TRAF2: variants seen among roughly 807,000 people sequenced by gnomAD.
The protein encoded by TRAF2 is TNF receptor-associated factor 2.
A neutral mutation model predicts 55.6 loss-of-function variants in TRAF2; 6 were observed. The ratio of observed to expected loss-of-function variants is 0.11; its 90% confidence interval spans 0.06 to 0.21. TRAF2 has a LOEUF of 0.21. TRAF2 is among the 10% of genes least tolerant of loss of function. TRAF2 has a pLI of 1.00. For missense variants in TRAF2, 561 were observed against 684.5 expected (o/e 0.82, Z 2.01); for synonymous variants, 329 against 276.3 (o/e 1.19, Z -1.89).
At chr9:136,883,825 AT>A (rs766805439), upstream of TRAF2, among the ~76,000 whole-genome samples, 1,513 of 119,016 alleles carry the variant, frequency 0.013, 20 homozygotes, top group African/African-American at 0.032. Flanking sequence ...CCTTTTGTGT[AT>A]TTTTTTTTTT....
chr9:136,893,514 G>GTT (rs549243115), intron 1 of TRAF2, among the ~76,000 whole-genome samples: 38 of 152,352 alleles, frequency 2.5e-4, no homozygotes, highest in African/African-American at 8.9e-4. Flanking sequence ...TGCGGCGTCA[G>GTT]TTTTGGCAGT....
chr9:136,916,470 G>T, intron 6 of TRAF2, 71 bp from the exon 7 acceptor site: 1 of 1,482,088 alleles, frequency 6.7e-7, no homozygotes. Flanking sequence ...GTCAGTCAGT[G>T]TGGTCCATGT....
At position 136,925,026 on chromosome 9, in the gene TRAF2, T is replaced by C. The variant is rs533741338; in HGVS notation, c.1288-657T>C. Among the ~76,000 whole-genome samples the C allele has an allele frequency of 2.0e-3, 303 of 152,340 alleles. 3 individuals carry two copies. The highest frequency in any genetic ancestry group is 3.7e-3 in the Admixed American group (56 of 15,308). Reference sequence around the variant, plus strand: ...TGCTGGGATTGTAGGCGTGAGCCACTGTGCCTGGCCTATTTTGAAAATCAG... The same window carrying C: ...TGCTGGGATTGTAGGCGTGAGCCACCGTGCCTGGCCTATTTTGAAAATCAG... On this transcript the variant is annotated intron_variant, in intron 10 of 10. Coordinates refer to ENST00000247668, the MANE Select transcript of TRAF2 (RefSeq NM_021138.4).
chr9:136,923,899 C>T lies in TRAF2; in HGVS notation c.1186C>T (p.Leu396=). 6.2e-7 allele frequency: 1 copy of T among 1,614,008 alleles called. No individual in the cohort carries two copies. Among genetic ancestry groups the T allele is most frequent in the Non-Finnish European group, 8.5e-7 (1 of 1,180,012 alleles). The change falls in exon 10 of 11, where the codon CTG becomes TTG. Residue 396 remains leucine, a synonymous_variant. Coordinates refer to ENST00000247668, the MANE Select transcript of TRAF2 (RefSeq NM_021138.4). ...CTACAAGATGTGTCTGCGTATCTAC[C>T]TGAACGGCGACGGCACCGGGCGAGG... ...YGYKMCLRIY[L]NGDGTGRGTH...
rs1850369827 is a variant in TRAF2 at position 136,920,958 on chromosome 9, G to A, written c.961-80G>A. 3 of 1,550,008 alleles carry A rather than the reference G, an allele frequency of 1.9e-6. No homozygotes were observed. In the African/African-American group the frequency reaches 4.1e-5, roughly 21 times the overall value. ...GGGTGCCCAAGAGCACTGTCCTGCTGGAGATCGGTGGGTGTGGGAGGCAGG... is the reference window on the plus strand; with the variant it reads ...GGGTGCCCAAGAGCACTGTCCTGCTAGAGATCGGTGGGTGTGGGAGGCAGG... On this transcript the variant is annotated intron_variant, in intron 8 of 10. Transcript: ENST00000247668.
upstream of TRAF2, among the ~76,000 whole-genome samples, chr9:136,883,257 G>A (rs1849395290): frequency 2.0e-5 from 3 of 152,108 alleles, no homozygotes; most frequent in African/African-American, 7.2e-5. Flanking sequence ...CAGCACTGGG[G>A]CAAGTACTCT....
rs547773915 is a variant in TRAF2, at chr9:136,923,065, G to T, written c.1139-787G>T. 1.2e-4 allele frequency among the ~76,000 whole-genome samples: 19 copies of T among 152,304 alleles called. 1 individual carries two copies. The highest frequency in any genetic ancestry group is 3.1e-4 in the African/African-American group (13 of 41,562). On this transcript the variant is annotated intron_variant, in intron 9 of 10. Transcript: ENST00000247668. ...GTTCTGTCATGTGACTTGGAAAGCAGCCTCTGCCGGGTTCTGGCTGTCACT... is the reference window on the plus strand; with the variant it reads ...GTTCTGTCATGTGACTTGGAAAGCATCCTCTGCCGGGTTCTGGCTGTCACT...
At chr9:136,920,173 G>A (rs756263697) in intron 7 of TRAF2, 61 bp from the exon 8 acceptor site, 252 of 1,515,858 alleles carry the variant, frequency 1.7e-4, no homozygotes, top group Non-Finnish European at 2.0e-4. Context: ...CTTGGTGGCC[G>A]TCCCCGGGTG....
intron 8 of TRAF2, 33 bp downstream of exon 8, chr9:136,920,548 G>C (rs1850359981): frequency 6.3e-7 from 1 of 1,586,386 alleles, no homozygotes; most frequent in Admixed American, 1.7e-5. Context: ...GCCATGAGGA[G>C]GACAGTGTAA....
At chr9:136,915,896 G>T (rs986603864) in intron 6 of TRAF2, among the ~76,000 whole-genome samples, 1 of 152,074 alleles carries the variant, frequency 6.6e-6, no homozygotes, top group African/African-American at 2.4e-5. Flanking sequence ...ATGAAATCTT[G>T]TGCTGCGTCT....
rs940055719 is a variant in TRAF2 at position 136,904,255 on chromosome 9, G to A, written c.366+3735G>A. Reference sequence around the variant, plus strand: ...GTCTCGCTCTGTTGCCTAGGCTAGCGTGTAGTGGTGGGATCATAGCTCACT... The same window carrying A: ...GTCTCGCTCTGTTGCCTAGGCTAGCATGTAGTGGTGGGATCATAGCTCACT... On this transcript the variant is annotated intron_variant, in intron 4 of 10. Transcript: ENST00000247668. 3.3e-5 allele frequency among the ~76,000 whole-genome samples: 5 copies of A among 152,132 alleles called. No individual in the cohort carries two copies. The East Asian group carries it at 5.8e-4, about 18-fold the overall frequency.
intron 1 of TRAF2, among the ~76,000 whole-genome samples, chr9:136,891,695 A>G (rs747466418): frequency 6.6e-5 from 10 of 151,844 alleles, no homozygotes; most frequent in African/African-American, 9.7e-5. Flanking sequence ...CTTCAGTGAC[A>G]TTGGGAAAAA....
At chr9:136,889,584 C>G (rs916167572) in intron 1 of TRAF2, 1 of 152,238 alleles carries the variant, frequency 6.6e-6, no homozygotes, top group African/African-American at 2.4e-5. Context: ...CTTGCCCGGC[C>G]TTAAAACCTG....
At chr9:136,894,938 G>C (rs1849650288) in intron 1 of TRAF2, among the ~76,000 whole-genome samples, 1 of 152,204 alleles carries the variant, frequency 6.6e-6, no homozygotes, top group African/African-American at 2.4e-5. Context: ...GATCACACTT[G>C]TGAATAGACA....
intron 5 of TRAF2, among the ~76,000 whole-genome samples, chr9:136,908,871 G>GAAAAAA (rs11418746): frequency 2.4e-5 from 2 of 84,452 alleles, no homozygotes; most frequent in Non-Finnish European, 2.1e-5. Context: ...TTCCGTCTCG[G>GAAAAAA]AAAAAAAAAA....
intron 1 of TRAF2, among the ~76,000 whole-genome samples, chr9:136,893,485 T>C (rs997409178): frequency 6.6e-6 from 1 of 152,224 alleles, no homozygotes; most frequent in African/African-American, 2.4e-5. Context: ...CGCTGCACTC[T>C]GCGTTCCCCA....
intron 1 of TRAF2, among the ~76,000 whole-genome samples, chr9:136,895,367 G>A (rs1389496909): frequency 1.3e-5 from 2 of 152,186 alleles, no homozygotes; most frequent in Non-Finnish European, 1.5e-5. Context: ...GGCAACTTGG[G>A]CCTTGGAAGG....
chr9:136,896,930 A>G (rs1280493292), intron 1 of TRAF2, among the ~76,000 whole-genome samples: 1 of 152,038 alleles, frequency 6.6e-6, no homozygotes, highest in Non-Finnish European at 1.5e-5. Flanking sequence ...ACCTCGAGGA[A>G]ATGCTTGGTG....
Position 136,908,182 on chromosome 9 carries a change from G to A in TRAF2, c.479G>A (p.Ser160Asn). 1.9e-6 allele frequency: 3 copies of A among 1,601,060 alleles called. No individual in the cohort carries two copies. Among genetic ancestry groups the A allele is most frequent in the Non-Finnish European group, 2.5e-6 (3 of 1,179,662 alleles). ...CTGGAGCACGAGTGCCCGGAGAGAA[G>A]CCTGAGCTGCCGGCATTGCCGGGCA... ...RHLEHECPER[S>N]LSCRHCRAPC... Residue 160 changes from serine (S) to asparagine (N), a missense_variant, in exon 5 of 11, where the codon AGC (serine) becomes AAC (asparagine). Ser to Asn is a conservative substitution (Grantham distance 46). Around this residue, in one of 2 missense-constraint regions of TRAF2, gnomAD observed 426 missense variants for 476.8 expected, o/e 0.89. Coordinates refer to ENST00000247668, the MANE Select transcript of TRAF2 (RefSeq NM_021138.4).
Sources: allele counts gnomAD v4.1 joint callset (sites outside exome capture counted in the v4.1 genomes callset), GRCh38; gene constraint gnomAD v4.1.1; regional missense constraint gnomAD v4.1.1; transcripts MANE v1.5; gene names NCBI Gene and HGNC (gene_info 2026-07-23, HGNC 2026-07-21).